Variants in CBR3 observed in about 807,000 individuals in gnomAD.
CBR3 encodes the protein carbonyl reductase 3, also known as carbonyl reductase [NADPH] 3.
A neutral mutation model predicts 11.6 loss-of-function variants in CBR3; 14 were observed. The observed-to-expected ratio is 1.20, with a 90% CI of 0.79 to 1.88. The LOEUF (loss-of-function observed/expected upper bound fraction) is 1.88. CBR3 is among the 40% of genes most tolerant of loss of function. CBR3 has a pLI of 0.00. For missense variants in CBR3, 308 were observed against 357.3 expected (o/e 0.86, Z 1.11); for synonymous variants, 125 against 145.6 (o/e 0.86, Z 1.02).
At chr21:36,137,076 C>T (rs917588720) in intron 1 of CBR3, 3 of 150,536 alleles carry the variant, frequency 2.0e-5, no homozygotes, top group African/African-American at 7.4e-5. Context: ...ACAGAATCCC[C>T]AGCTCCCTCC....
intron 1 of CBR3, 156 bp downstream of exon 1, chr21:36,135,637 G>A: frequency 1.4e-6 from 1 of 704,544 alleles, no homozygotes; most frequent in Non-Finnish European, 2.2e-6. Flanking sequence ...GGCGGTTTTC[G>A]CTTTCCGTGA....
chr21:36,138,470 T>G (rs974754123), intron 2 of CBR3: 6 of 152,858 alleles, frequency 3.9e-5, no homozygotes, highest in African/African-American at 1.4e-4. Context: ...GTTCCAAAGA[T>G]AAGTGTGACA....
At chr21:36,144,098 G>A (rs2065735704) in intron 2 of CBR3, among the ~76,000 whole-genome samples, 1 of 152,070 alleles carries the variant, frequency 6.6e-6, no homozygotes, top group African/African-American at 2.4e-5. Flanking sequence ...TGAGAGCACT[G>A]TCCCTCAGAA....
chr21:36,140,396 G>A (rs1184086148), intron 2 of CBR3, among the ~76,000 whole-genome samples: 3 of 152,200 alleles, frequency 2.0e-5, no homozygotes, highest in Admixed American at 1.3e-4. Flanking sequence ...TTCATACAAT[G>A]TTTGCCACTT....
In CBR3 at chr21:36,146,115, CT is replaced by C. The variant is rs749995885; in HGVS notation, c.441del (p.Phe147LeufsTer26). The C allele has an allele frequency of 1.2e-6, 2 of 1,613,872 alleles. No homozygotes were observed. Among genetic ancestry groups the C allele is most frequent in the East Asian group, 4.5e-5 (2 of 44,884 alleles). On this transcript the variant is annotated frameshift_variant, in exon 3 of 3. Coordinates refer to ENST00000290354, the MANE Select transcript of CBR3 (RefSeq NM_001236.4). LOFTEE classifies it low-confidence loss of function (END_TRUNC). ...ATCAGTAGTTTGCAGTGTTTAAGGG[CT>C]TTTGAAAACTGCAGTGAAGATCTGC... The part of the protein sequence containing the change: ...VNISSLQCLR[A>X]FENCSEDLQE...
intron 2 of CBR3, 23 bp downstream of exon 2, chr21:36,137,955 C>G (rs201095478): frequency 2.3e-6 from 3 of 1,292,168 alleles, no homozygotes; most frequent in Non-Finnish European, 3.4e-6. Flanking sequence ...TGTGGACAGT[C>G]GGGTTGCATC....
rs761325372 is a variant in CBR3 at position 36,135,347 on chromosome 21, C to A, written c.155C>A (p.Ala52Glu). 1.9e-6 allele frequency: 3 copies of A among 1,612,506 alleles called. No individual in the cohort carries two copies. The highest frequency in any genetic ancestry group is 1.7e-4 in the Middle Eastern group (1 of 6,014). Reference protein sequence around the residue: ...RGQAAVQQLQAEGLSPRFHQL... With the variant: ...RGQAAVQQLQEEGLSPRFHQL... ...CAGGCGGCCGTGCAGCAGCTGCAGG[C>A]GGAGGGCCTGAGCCCGCGCTTCCAC... The change falls in exon 1 of 3, where the codon GCG (alanine) becomes GAG (glutamate). Residue 52 changes from alanine (A) to glutamate (E), a missense_variant. Ala to Glu is a moderately radical substitution (Grantham distance 107, BLOSUM62 -1). Transcript: ENST00000290354.
At chr21:36,142,439 A>AAAAAAAACAAACAAAC (rs57971171) in intron 2 of CBR3, among the ~76,000 whole-genome samples, 1 of 147,646 alleles carries the variant, frequency 6.8e-6, no homozygotes, top group African/African-American at 2.6e-5. Context: ...CTCAAAAAAA[A>AAAAAAAACAAACAAAC]AAAAAAAAAC....
In CBR3 at chr21:36,136,414, GA is replaced by G. The variant is rs1268945905; in HGVS notation, c.289+935del. On this transcript the variant is annotated intron_variant, in intron 1 of 2. Transcript: ENST00000290354. ...GAGTGAAATGAAGGATGGGGGAGCA[GA>G]AGTCTCCACCCCTCCCTTTGGCCCT... Among the ~76,000 whole-genome samples the G allele has an allele frequency of 2.0e-5, 3 of 152,286 alleles. No individual in the cohort carries two copies. In the East Asian group the frequency reaches 5.8e-4, roughly 29 times the overall value.
At chr21:36,143,474 C>T (rs1235915860) in intron 2 of CBR3, among the ~76,000 whole-genome samples, 1 of 152,124 alleles carries the variant, frequency 6.6e-6, no homozygotes, top group East Asian at 1.9e-4. Flanking sequence ...TTTTGGCCTA[C>T]ATATTTGTTT....
rs369768555 is a variant in CBR3 at position 36,146,079 on chromosome 21, G to A, written c.401G>A (p.Arg134Lys). 6.2e-7 allele frequency: 1 copy of A among 1,605,420 alleles called. No individual in the cohort carries two copies. The highest frequency in any genetic ancestry group is 1.1e-5 in the South Asian group (1 of 90,892). The change falls in exon 3 of 3, where the codon AGA becomes AAA. Residue 134 changes from arginine to lysine, a missense_variant. Transcript: ENST00000290354. ...ELLPIMKPHG[R>K]VVNISSLQCL... Reference sequence around the variant, plus strand: ...TATATTTATCATTCTGTTTCAGGGAGAGTGGTGAATATCAGTAGTTTGCAG... The same window carrying A: ...TATATTTATCATTCTGTTTCAGGGAAAGTGGTGAATATCAGTAGTTTGCAG...
intron 2 of CBR3, among the ~76,000 whole-genome samples, chr21:36,139,188 T>C (rs1401981512): frequency 6.6e-6 from 1 of 152,096 alleles, no homozygotes; most frequent in East Asian, 1.9e-4. Flanking sequence ...TGGTGAGCAT[T>C]ATAGACAGGG....
intron 2 of CBR3, among the ~76,000 whole-genome samples, chr21:36,140,227 T>G (rs187479651): frequency 6.6e-6 from 1 of 151,900 alleles, no homozygotes; most frequent in Non-Finnish European, 1.5e-5. Context: ...ATGGTGAGAG[T>G]TGCACTTGTA....
chr21:36,138,305 AC>A (rs2065678609), intron 2 of CBR3: 5 of 165,588 alleles, frequency 3.0e-5, no homozygotes. Flanking sequence ...CCACTACCAC[AC>A]CCGGCTAATT....
intron 2 of CBR3, 137 bp from the exon 3 acceptor site, chr21:36,145,939 C>G (rs939189468): frequency 1.6e-6 from 1 of 633,758 alleles, no homozygotes; most frequent in Non-Finnish European, 2.5e-6. Flanking sequence ...CTAGCCTGGG[C>G]AACAGGGCGA....
chr21:36,138,103 T>TTTTAGTTTAG (rs373138227), intron 2 of CBR3, among the ~76,000 whole-genome samples, 171 bp downstream of exon 2: 3,687 of 150,214 alleles, frequency 0.025, 136 homozygotes, highest in African/African-American at 0.078. Flanking sequence ...CACTCCAACA[T>TTTTAGTTTAG]TTTAGTTTAG....
chr21:36,142,449 C>G (rs918060659), intron 2 of CBR3, among the ~76,000 whole-genome samples: 1 of 38,602 alleles, frequency 2.6e-5, no homozygotes, highest in African/African-American at 8.8e-5. Context: ...AAAAAAAAAA[C>G]GCAATCCATG....
At chr21:36,138,744 C>CTTTTTTTTTTTTTTTTTTT (rs751330163) in intron 2 of CBR3, 23 of 123,172 alleles carry the variant, frequency 1.9e-4, no homozygotes, top group Non-Finnish European at 2.4e-4. Flanking sequence ...TTTTTCTTTT[C>CTTTTTTTTTTTTTTTTTTT]TTTTTTTTTT....
chr21:36,135,731 C>T (rs1234371774), intron 1 of CBR3: 4 of 457,090 alleles, frequency 8.8e-6, no homozygotes, highest in African/African-American at 4.1e-5. Flanking sequence ...GCCCGGGGCC[C>T]TCCCCGAACT....
Sources: allele counts gnomAD v4.1 joint callset (sites outside exome capture counted in the v4.1 genomes callset), GRCh38; gene constraint gnomAD v4.1.1; transcripts MANE v1.5; gene names NCBI Gene and HGNC (gene_info 2026-07-23, HGNC 2026-07-21).